Variants in DMRT1 observed in about 807,000 individuals in gnomAD.
DMRT1 encodes doublesex and mab-3 related transcription factor 1, also known as doublesex- and mab-3-related transcription factor 1.
Under a neutral mutation model 32.3 loss-of-function variants are expected in DMRT1, and 7 were observed. The observed-to-expected ratio is 0.22, with a 90% confidence interval of 0.12 to 0.41. The LOEUF is 0.41. Among genes scored for constraint, DMRT1 ranks in the 10% least tolerant of loss-of-function variants. DMRT1 has a pLI of 1.00. For missense variants in DMRT1, 625 were observed against 500.5 expected (o/e 1.25, Z -2.37); for synonymous variants, 278 against 206.1 (o/e 1.35, Z -2.99).
Position 916,874 on chromosome 9 carries a change from G to A in DMRT1, c.934G>A (p.Asp312Asn). ...QSVPQFFTFE[D>N]APSYPEARAS... Reference sequence around the variant, plus strand: ...CGTGCCCCAGTTCTTCACTTTTGAGGATGCTCCCTCTTACCCGGAAGCCAG... The same window carrying A: ...CGTGCCCCAGTTCTTCACTTTTGAGAATGCTCCCTCTTACCCGGAAGCCAG... The change falls in exon 4 of 5, where the codon GAT (aspartate) becomes AAT (asparagine). Residue 312 changes from aspartate to asparagine, a missense_variant. Physicochemically the swap from Asp to Asn is conservative, Grantham distance 23. Coordinates refer to ENST00000382276, the MANE Select transcript of DMRT1 (RefSeq NM_021951.3). 6.2e-7 allele frequency: 1 copy of A among 1,614,156 alleles called. No individual in the cohort carries two copies. The highest frequency in any genetic ancestry group is 8.5e-7 in the Non-Finnish European group (1 of 1,180,040).
chr9:870,767 A>C (rs920025145), intron 2 of DMRT1, among the ~76,000 whole-genome samples: 5 of 127,362 alleles, frequency 3.9e-5, no homozygotes, highest in African/African-American at 1.5e-4. Flanking sequence ...GCTGGAGTGC[A>C]GTGGTGTGAT....
chr9:903,970 T>C (rs2129692706), intron 3 of DMRT1, among the ~76,000 whole-genome samples: 1 of 152,342 alleles, frequency 6.6e-6, no homozygotes, highest in Non-Finnish European at 1.5e-5. Flanking sequence ...TTTCCATTGT[T>C]AGATGACTTC....
intron 1 of DMRT1, among the ~76,000 whole-genome samples, chr9:846,585 T>A (rs1312703128): frequency 6.6e-6 from 1 of 152,098 alleles, no homozygotes; most frequent in Admixed American, 6.5e-5. Flanking sequence ...CAAGCTTTTT[T>A]ATTTGTTTGT....
At chr9:902,869 A>C (rs924854638) in intron 3 of DMRT1, among the ~76,000 whole-genome samples, 2 of 152,062 alleles carry the variant, frequency 1.3e-5, no homozygotes, top group Non-Finnish European at 2.9e-5. Context: ...AGGAACCCCA[A>C]GTAGGTTCTG....
At chr9:944,423 A>G (rs142971853) in intron 4 of DMRT1, among the ~76,000 whole-genome samples, 64 of 152,312 alleles carry the variant, frequency 4.2e-4, no homozygotes, top group Non-Finnish European at 5.4e-4. Context: ...ATAAACACAT[A>G]TACAATTTTC....
intron 2 of DMRT1, among the ~76,000 whole-genome samples, chr9:870,235 TA>T (rs1231417552): frequency 3.9e-5 from 6 of 152,128 alleles, no homozygotes; most frequent in Non-Finnish European, 8.8e-5. Context: ...CCGTTTCTAC[TA>T]AAAATACAAA....
At position 871,477 on chromosome 9, in the gene DMRT1, CAT is replaced by C. The variant is rs1362740266; in HGVS notation, c.539-22434_539-22433del. 8.8e-3 allele frequency among the ~76,000 whole-genome samples: 1,296 copies of C among 147,376 alleles called. 17 individuals are homozygous for C. Among genetic ancestry groups the C allele is most frequent in the African/African-American group, 0.029 (1,147 of 39,528 alleles). ...CCTCCAGAGTAGCTGGGACTACAGG[CAT>C]GCGCCACCACGCCCGGCTAATTTTT... On this transcript the variant is annotated intron_variant, in intron 2 of 4. Coordinates refer to ENST00000382276, the MANE Select transcript of DMRT1 (RefSeq NM_021951.3).
chr9:869,774 G>A (rs1278407310), intron 2 of DMRT1, among the ~76,000 whole-genome samples: 3 of 151,742 alleles, frequency 2.0e-5, no homozygotes, highest in Admixed American at 6.6e-5. Flanking sequence ...TTAAGGTGTC[G>A]CATTCTCTGT....
chr9:899,919 C>T (rs1817507438), intron 3 of DMRT1, among the ~76,000 whole-genome samples: 1 of 152,178 alleles, frequency 6.6e-6, no homozygotes, highest in South Asian at 2.1e-4. Flanking sequence ...AGGGTGTGGC[C>T]AAATGGCAGC....
rs545667551 is a variant in DMRT1, at chr9:875,742, A to G, written c.539-18170A>G. Among the ~76,000 whole-genome samples the G allele has an allele frequency of 1.1e-3, 171 of 152,074 alleles. 1 individual carries two copies. In the Middle Eastern group the frequency reaches 0.014, roughly 12 times the overall value. Reference sequence around the variant, plus strand: ...TCAGATTTGATTTTCTTTTCAGGTAAGATTTTGAGACACGTGCATGTGTGT... The same window carrying G: ...TCAGATTTGATTTTCTTTTCAGGTAGGATTTTGAGACACGTGCATGTGTGT... On this transcript the variant is annotated intron_variant, in intron 2 of 4. Transcript: ENST00000382276.
chr9:908,304 A>G (rs4742546), intron 3 of DMRT1, among the ~76,000 whole-genome samples: 4,553 of 152,004 alleles, frequency 0.03, 178 homozygotes, highest in East Asian at 0.17. Flanking sequence ...AAAAATATAA[A>G]AAATTTAGCT....
chr9:875,014 G>A (rs1816436770), intron 2 of DMRT1, among the ~76,000 whole-genome samples: 1 of 151,492 alleles, frequency 6.6e-6, no homozygotes, highest in African/African-American at 2.4e-5. Flanking sequence ...GTTTCACTAT[G>A]TTAGCCAGGA....
chr9:856,386 C>T (rs1444833651), intron 2 of DMRT1, among the ~76,000 whole-genome samples: 1 of 152,136 alleles, frequency 6.6e-6, no homozygotes, highest in Non-Finnish European at 1.5e-5. Context: ...ATTTCAGTCA[C>T]TCCCCATGTA....
rs763201923 is a variant in DMRT1, at chr9:841,790, T to C, written c.-49T>C. The C allele has an allele frequency of 6.4e-7, 1 of 1,569,382 alleles. No individual in the cohort carries two copies. The highest frequency in any genetic ancestry group is 1.9e-5 in the Admixed American group (1 of 53,254). ...GTCGGGTTCATCCCTCGCAGCAGTC[T>C]CCAGGCGAGAGAGGGGGCCAGAGTG... On this transcript the variant is annotated 5_prime_UTR_variant, in exon 1 of 5. Transcript: ENST00000382276.
chr9:901,824 C>T (rs1349408335), intron 3 of DMRT1, among the ~76,000 whole-genome samples: 3 of 151,758 alleles, frequency 2.0e-5, no homozygotes, highest in Non-Finnish European at 4.4e-5. Flanking sequence ...GAGCCCTTCA[C>T]AGTCTTGTTA....
intron 3 of DMRT1, among the ~76,000 whole-genome samples, chr9:904,789 A>G (rs147573607): frequency 1.8e-4 from 27 of 152,296 alleles, no homozygotes; most frequent in African/African-American, 6.5e-4. Context: ...TACTAAAAAT[A>G]CAAAATTAGC....
intron 2 of DMRT1, among the ~76,000 whole-genome samples, chr9:878,200 G>A (rs1198306925): frequency 2.1e-5 from 2 of 94,040 alleles, no homozygotes; most frequent in Admixed American, 1.3e-4. Flanking sequence ...TGCAGCTGCT[G>A]CCCCCCCCCC....
chr9:864,781 T>G (rs144730743), intron 2 of DMRT1, among the ~76,000 whole-genome samples: 1 of 152,170 alleles, frequency 6.6e-6, no homozygotes, highest in Non-Finnish European at 1.5e-5. Flanking sequence ...ATTACAGGCG[T>G]GAGCCACCGT....
intron 2 of DMRT1, among the ~76,000 whole-genome samples, chr9:857,292 G>A (rs1371202635): frequency 6.8e-6 from 1 of 147,368 alleles, no homozygotes; most frequent in Non-Finnish European, 1.5e-5. Flanking sequence ...GGGTGACAGA[G>A]CAAGACTCTA....
Sources: allele counts gnomAD v4.1 joint callset (sites outside exome capture counted in the v4.1 genomes callset), GRCh38; gene constraint gnomAD v4.1.1; transcripts MANE v1.5; gene names NCBI Gene and HGNC (gene_info 2026-07-23, HGNC 2026-07-21).